Variants in GREB1 observed in about 807,000 individuals in gnomAD.
GREB1 encodes the protein protein GREB1.
A neutral mutation model predicts 200.7 loss-of-function variants in GREB1; 106 were observed. The ratio of observed to expected loss-of-function variants is 0.53; its 90% CI spans 0.45 to 0.62. GREB1 has a LOEUF of 0.62. Among genes scored for constraint, GREB1 ranks in the 20% least tolerant of loss-of-function variants. The pLI is 0.00. For missense variants in GREB1, 2,243 were observed against 2,556.8 expected, an observed-to-expected ratio of 0.88 and a Z score of 2.65; for synonymous variants, 1,132 against 1,092.4, an observed-to-expected ratio of 1.04 and a Z score of -0.72.
intron 5 of GREB1, among the ~76,000 whole-genome samples, chr2:11,577,635 T>A (rs1231015414): frequency 6.6e-6 from 1 of 152,182 alleles, no homozygotes; most frequent in East Asian, 1.9e-4. Flanking sequence ...CCCTCCCTTG[T>A]CTGTGTTTGT....
Position 11,610,731 on chromosome 2 carries a change from G to A in GREB1, c.2710G>A (p.Val904Met), listed in dbSNP as rs769562922. ...CGCGGTGATCAGGACCTTTGTTCTCGTGCAGCACTACGCGGCCGCCCTGAT... is the reference window on the plus strand; with the variant it reads ...CGCGGTGATCAGGACCTTTGTTCTCATGCAGCACTACGCGGCCGCCCTGAT... ...HSAVIRTFVL[V>M]QHYAAALMAV... The change falls in exon 18 of 33, where the codon GTG (valine) becomes ATG (methionine). Residue 904 changes from valine to methionine, a missense_variant. Val to Met is a conservative substitution (Grantham distance 21). Around this residue, in one of 3 missense-constraint regions of GREB1, gnomAD observed 1,178 missense variants for 1,387.4 expected, o/e 0.85. Coordinates refer to ENST00000381486, the MANE Select transcript of GREB1 (RefSeq NM_014668.4). 8 of 1,613,422 alleles carry A rather than the reference G, an allele frequency of 5.0e-6. No individual in the cohort carries two copies. Among genetic ancestry groups the A allele is most frequent in the East Asian group, 4.5e-5 (2 of 44,884 alleles).
At position 11,587,965 on chromosome 2, in the gene GREB1, C is replaced by T. The variant is rs946092665; in HGVS notation, c.1160-781C>T. ...GATGGGCTGGGCACGGTGGCTCACG[C>T]CTGTAATCCCAGAACTTTGAGAGGC... On this transcript the variant is annotated intron_variant, in intron 9 of 32. Transcript: ENST00000381486. The T allele has an allele frequency of 3.1e-5, 31 of 986,202 alleles. No individual in the cohort carries two copies. In the Admixed American group the frequency reaches 9.3e-4, roughly 30 times the overall value. The allele number at this position is 986,202 out of a possible 1,614,324, so 61.1% of individuals were successfully genotyped here.
chr2:11,569,626 C>T (rs1052195568), intron 4 of GREB1, among the ~76,000 whole-genome samples: 2 of 152,160 alleles, frequency 1.3e-5, no homozygotes, highest in African/African-American at 2.4e-5. Context: ...AGAAACTGCA[C>T]GAAATAAGTT....
chr2:11,544,833 G>A (rs1157231096), intron 1 of GREB1, among the ~76,000 whole-genome samples: 1 of 151,850 alleles, frequency 6.6e-6, no homozygotes. Flanking sequence ...TTTTTTAATT[G>A]AGACAAAGTC....
intron 1 of GREB1, among the ~76,000 whole-genome samples, chr2:11,488,873 TAAAA>T (rs148433563): frequency 9.5e-6 from 1 of 105,762 alleles, no homozygotes; most frequent in Non-Finnish European, 2.0e-5. Context: ...CAGTTTTCAT[TAAAA>T]AAAAAAAAAA....
At chr2:11,624,446 G>A (rs1204137454) in intron 23 of GREB1, among the ~76,000 whole-genome samples, 1 of 150,362 alleles carries the variant, frequency 6.7e-6, no homozygotes, top group Non-Finnish European at 1.5e-5. Flanking sequence ...CTGGGTTCAA[G>A]TCATTCTCCT....
At chr2:11,503,510 A>G (rs1673102071) in intron 1 of GREB1, among the ~76,000 whole-genome samples, 1 of 152,050 alleles carries the variant, frequency 6.6e-6, no homozygotes. Flanking sequence ...TTCGTGTCTC[A>G]GTAGGGGAGT....
At chr2:11,619,181 C>T (rs1019852383) in intron 22 of GREB1, among the ~76,000 whole-genome samples, 1 of 152,152 alleles carries the variant, frequency 6.6e-6, no homozygotes, top group African/African-American at 2.4e-5. Flanking sequence ...GACTACGGTT[C>T]CTCAATCCAC....
chr2:11,635,155 C>A, intron 29 of GREB1, 115 bp from the exon 30 acceptor site: 1 of 1,228,990 alleles, frequency 8.1e-7, no homozygotes, highest in Non-Finnish European at 1.1e-6. Flanking sequence ...AGAATGAAGC[C>A]CACTCCACCT....
intron 17 of GREB1, among the ~76,000 whole-genome samples, chr2:11,609,466 A>T (rs1682724937): frequency 6.6e-6 from 1 of 151,990 alleles, no homozygotes; most frequent in Admixed American, 6.6e-5. Flanking sequence ...GCAGGGTTTC[A>T]TCATGTTGGC....
chr2:11,550,748 A>C (rs573939110), intron 1 of GREB1, among the ~76,000 whole-genome samples: 1 of 152,286 alleles, frequency 6.6e-6, no homozygotes, highest in East Asian at 1.9e-4. Flanking sequence ...TTTTGTTGGC[A>C]TATCTTGTCT....
At chr2:11,504,520 A>G (rs2148434775) in intron 1 of GREB1, among the ~76,000 whole-genome samples, 1 of 152,342 alleles carries the variant, frequency 6.6e-6, no homozygotes, top group Admixed American at 6.5e-5. Context: ...GAAATCCTGC[A>G]TCTATGAGCG....
At chr2:11,532,942 A>G (rs747278238), upstream of GREB1, among the ~76,000 whole-genome samples, 9 of 152,194 alleles carry the variant, frequency 5.9e-5, no homozygotes, top group Non-Finnish European at 1.2e-4. Context: ...TAGAGGTATT[A>G]TTATCTTCAT....
intron 26 of GREB1, among the ~76,000 whole-genome samples, chr2:11,630,477 C>T (rs911311660): frequency 1.3e-5 from 2 of 152,180 alleles, no homozygotes; most frequent in Non-Finnish European, 2.9e-5. Context: ...CATCCCCTCC[C>T]TGTCTTTTCT....
chr2:11,601,062 A>T, intron 16 of GREB1, 67 bp downstream of exon 16: 2 of 1,361,542 alleles, frequency 1.5e-6, no homozygotes, highest in South Asian at 2.5e-5. Flanking sequence ...AATTACATTT[A>T]GTAACAGCCT....
chr2:11,539,173 C>CT (rs924189072), intron 1 of GREB1, among the ~76,000 whole-genome samples: 1 of 151,820 alleles, frequency 6.6e-6, no homozygotes, highest in African/African-American at 2.4e-5. Context: ...CCACCTGAAC[C>CT]TTCTAAGTAG....
chr2:11,544,449 T>C (rs1008901920), intron 1 of GREB1, among the ~76,000 whole-genome samples: 23 of 151,926 alleles, frequency 1.5e-4, no homozygotes, highest in African/African-American at 4.6e-4. Context: ...ATCTCCTGAC[T>C]TTGTGATCTG....
At chr2:11,501,200 C>T (rs1673028234) in intron 1 of GREB1, among the ~76,000 whole-genome samples, 1 of 152,172 alleles carries the variant, frequency 6.6e-6, no homozygotes, top group South Asian at 2.1e-4. Flanking sequence ...CTTTAATCAG[C>T]TGTGTTCCCT....
At chr2:11,512,128 TA>T (rs1673369793) in intron 1 of GREB1, among the ~76,000 whole-genome samples, 1 of 152,228 alleles carries the variant, frequency 6.6e-6, no homozygotes, top group Admixed American at 6.5e-5. Flanking sequence ...TCACACAACA[TA>T]AAATTAACCA....
Sources: allele counts gnomAD v4.1 joint callset (sites outside exome capture counted in the v4.1 genomes callset), GRCh38; gene constraint gnomAD v4.1.1; regional missense constraint gnomAD v4.1.1; transcripts MANE v1.5; gene names NCBI Gene and HGNC (gene_info 2026-07-23, HGNC 2026-07-21).